The following RNF180 variants were observed in gnomAD, a reference collection of about 807,000 sequenced individuals.
RNF180 encodes E3 ubiquitin-protein ligase RNF180.
Under a neutral mutation model 59.2 loss-of-function variants are expected in RNF180, and 38 were observed. The ratio of observed to expected loss-of-function variants is 0.64; its 90% confidence interval spans 0.50 to 0.84. RNF180 has a LOEUF of 0.84. Ranked by LOEUF, RNF180 falls within the 40% of genes least tolerant of loss-of-function variation. RNF180 has a pLI of 0.00. For synonymous variants in RNF180, 262 were observed against 240.3 expected, an observed-to-expected ratio of 1.09 and a Z score of -0.84; for missense variants, 705 against 700.9, an observed-to-expected ratio of 1.01 and a Z score of -0.07.
At chr5:64,226,427 G>A (rs980504430) in intron 5 of RNF180, among the ~76,000 whole-genome samples, 15 of 152,280 alleles carry the variant, frequency 9.9e-5, no homozygotes, top group African/African-American at 2.6e-4. Context: ...TAAGGGCGGT[G>A]CAAGATGTGC....
chr5:64,272,590 A>G (rs1187466004), intron 5 of RNF180, among the ~76,000 whole-genome samples: 1 of 152,012 alleles, frequency 6.6e-6, no homozygotes, highest in Non-Finnish European at 1.5e-5. Context: ...TGACAGTTTG[A>G]AAAAAAGCAT....
chr5:64,188,712 T>G (rs968623810), intron 1 of RNF180, among the ~76,000 whole-genome samples: 5 of 152,180 alleles, frequency 3.3e-5, no homozygotes, highest in African/African-American at 1.2e-4. Flanking sequence ...AAATATTTGG[T>G]GGGTTTTCTT....
At position 64,197,240 on chromosome 5, in the gene RNF180, C is replaced by T. The variant is rs545793098; in HGVS notation, c.1-3568C>T. On this transcript the variant is annotated intron_variant, in intron 1 of 7. Transcript: ENST00000389100. ...TGTTTCTCCATAGGGACTCATCTTT[C>T]GTTCCTAAGTATTTTAAAGAATGTT... Among the ~76,000 whole-genome samples the T allele has an allele frequency of 9.9e-5, 15 of 152,276 alleles. 2 individuals are homozygous for T. The highest frequency in any genetic ancestry group is 3.6e-4 in the African/African-American group (15 of 41,578).
intron 5 of RNF180, among the ~76,000 whole-genome samples, chr5:64,242,896 T>C (rs1299994365): frequency 6.6e-6 from 1 of 152,166 alleles, no homozygotes; most frequent in Non-Finnish European, 1.5e-5. Flanking sequence ...ACCCAGTTCA[T>C]CTCACTGGAA....
intron 5 of RNF180, among the ~76,000 whole-genome samples, chr5:64,237,425 A>G (rs559987693): frequency 1.3e-5 from 2 of 151,894 alleles, no homozygotes; most frequent in South Asian, 2.1e-4. Flanking sequence ...CCAATGTTGT[A>G]CCCCAATTGT....
chr5:64,296,867 G>C (rs1742908173), intron 5 of RNF180, among the ~76,000 whole-genome samples: 1 of 152,024 alleles, frequency 6.6e-6, no homozygotes, highest in African/African-American at 2.4e-5. Context: ...TGAAATGGAG[G>C]TTTGATTTTG....
At chr5:64,204,527 A>G (rs972705684) in intron 2 of RNF180, among the ~76,000 whole-genome samples, 17 of 152,018 alleles carry the variant, frequency 1.1e-4, no homozygotes, top group African/African-American at 4.1e-4. Flanking sequence ...CTATTTTTCT[A>G]TTAGGATGTT....
intron 5 of RNF180, among the ~76,000 whole-genome samples, chr5:64,249,798 C>T (rs1190477138): frequency 6.6e-6 from 1 of 152,062 alleles, no homozygotes; most frequent in African/African-American, 2.4e-5. Flanking sequence ...TATATGCACC[C>T]AATATCTTAA....
At chr5:64,167,825 A>G (rs2111847730) in intron 1 of RNF180, among the ~76,000 whole-genome samples, 1 of 152,290 alleles carries the variant, frequency 6.6e-6, no homozygotes, top group East Asian at 1.9e-4. Flanking sequence ...TCTCTCCCTT[A>G]TACCACCTCC....
At chr5:64,290,338 A>G (rs1308242864) in intron 5 of RNF180, among the ~76,000 whole-genome samples, 1 of 152,216 alleles carries the variant, frequency 6.6e-6, no homozygotes, top group African/African-American at 2.4e-5. Context: ...GGCGATGAGA[A>G]TAATGTATAT....
intron 6 of RNF180, 79 bp from the exon 7 acceptor site, chr5:64,330,202 C>T (rs1744838476): frequency 1.1e-6 from 1 of 928,266 alleles, no homozygotes; most frequent in African/African-American, 1.7e-5. Context: ...TATCAAAATA[C>T]TACAGTATTC....
intron 5 of RNF180, among the ~76,000 whole-genome samples, chr5:64,292,931 A>G (rs1742681942): frequency 2.0e-5 from 3 of 152,140 alleles, no homozygotes; most frequent in African/African-American, 7.2e-5. Flanking sequence ...GATGTGCTAC[A>G]TTGTGGGCAC....
rs1460110852 is a variant in RNF180, at chr5:64,361,491, GAATTC to G, written c.1580-8118_1580-8114del. ...ATGAGTATGTGGAATATTGGCACAAGAATTCAATTCTTCAGATTCCTTGAAGAGTA... is the reference window on the plus strand; with the variant it reads ...ATGAGTATGTGGAATATTGGCACAAGAATTCTTCAGATTCCTTGAAGAGTA... On this transcript the variant is annotated intron_variant, in intron 7 of 7. Transcript: ENST00000389100. Among the ~76,000 whole-genome samples, 7 of 151,494 alleles carry G rather than the reference GAATTC, an allele frequency of 4.6e-5. No individual in the cohort carries two copies. The Admixed American group carries it at 4.6e-4, about 10-fold the overall frequency.
intron 5 of RNF180, among the ~76,000 whole-genome samples, chr5:64,270,674 A>G (rs551704304): frequency 6.9e-4 from 105 of 152,242 alleles, no homozygotes; most frequent in African/African-American, 2.4e-3. Context: ...GAATTCACTT[A>G]CACCTTTCTG....
chr5:64,212,470 AT>A (rs1372530285), intron 3 of RNF180, among the ~76,000 whole-genome samples: 1 of 152,116 alleles, frequency 6.6e-6, no homozygotes, highest in Non-Finnish European at 1.5e-5. Flanking sequence ...CATATAGCTT[AT>A]TTAACTTGTT....
intron 5 of RNF180, among the ~76,000 whole-genome samples, chr5:64,299,728 CA>C (rs1285678282): frequency 6.6e-6 from 1 of 151,872 alleles, no homozygotes; most frequent in Non-Finnish European, 1.5e-5. Context: ...TATGAACAGT[CA>C]ACTTTGGTAA....
intron 1 of RNF180, among the ~76,000 whole-genome samples, chr5:64,179,260 A>G (rs571815683): frequency 6.6e-6 from 1 of 152,274 alleles, no homozygotes; most frequent in East Asian, 1.9e-4. Context: ...TAATATACTG[A>G]ACATCTGTGT....
chr5:64,206,012 A>G (rs966539403), intron 2 of RNF180, among the ~76,000 whole-genome samples: 2 of 152,200 alleles, frequency 1.3e-5, no homozygotes, highest in Non-Finnish European at 2.9e-5. Context: ...TTAAATGTTA[A>G]ATGAGATCTA....
chr5:64,266,412 C>T (rs1231240055), intron 5 of RNF180, among the ~76,000 whole-genome samples: 2 of 150,586 alleles, frequency 1.3e-5, no homozygotes. Context: ...TTATAATATA[C>T]AGGCTTCTTC....
Sources: allele counts gnomAD v4.1 joint callset (sites outside exome capture counted in the v4.1 genomes callset), GRCh38; gene constraint gnomAD v4.1.1; transcripts MANE v1.5; gene names NCBI Gene and HGNC (gene_info 2026-07-23, HGNC 2026-07-21).